The following ZNF346 variants were observed in gnomAD, a reference collection of about 807,000 sequenced individuals.
ZNF346 encodes zinc finger protein 346.
A neutral mutation model predicts 33.7 loss-of-function variants in ZNF346; 23 were observed. The ratio of observed to expected loss-of-function variants is 0.68; its 90% CI spans 0.49 to 0.97. The LOEUF is 0.97. ZNF346 is among the 50% of genes least tolerant of loss of function. ZNF346 has a pLI of 0.00. For missense variants in ZNF346, 340 were observed against 371.1 expected (o/e 0.92, Z 0.69); for synonymous variants, 134 against 142.4 (o/e 0.94, Z 0.42).
Position 177,066,598 on chromosome 5 carries a change from C to T in ZNF346, c.*1999C>T, listed in dbSNP as rs1248682882. 6.6e-6 allele frequency among the ~76,000 whole-genome samples: 1 copy of T among 151,902 alleles called. No individual in the cohort carries two copies. The highest frequency in any genetic ancestry group is 2.1e-4 in the South Asian group (1 of 4,764). On this transcript the variant is annotated 3_prime_UTR_variant, in exon 7 of 7. Transcript: ENST00000358149. ...GAAGGAGTGTTATGGCCAGGTGCGG[C>T]GTCATGCACCTATAGTCCCAGCTGC...
At chr5:177,075,064 C>T (rs768873992) in intron 8 of ZNF346, among the ~76,000 whole-genome samples, 2 of 148,264 alleles carry the variant, frequency 1.3e-5, no homozygotes, top group South Asian at 4.3e-4. Context: ...AGACTCCCTC[C>T]GTCTCAAAAA....
chr5:177,048,847 G>A (rs554987637), intron 4 of ZNF346, among the ~76,000 whole-genome samples: 10 of 148,408 alleles, frequency 6.7e-5, no homozygotes, highest in Admixed American at 4.8e-4. Flanking sequence ...GTGCAATGGC[G>A]CAATCTCAGC....
At chr5:177,079,813 C>G (rs781310650) in exon 9 of ZNF346, 1 of 152,308 alleles carries the variant, frequency 6.6e-6, no homozygotes, top group Non-Finnish European at 1.5e-5. Context: ...TCCAAACAGA[C>G]GTGCATGCCA....
At chr5:177,081,086 A>G (rs1365810303) in exon 9 of ZNF346, 1 of 139,474 alleles carries the variant, frequency 7.2e-6, no homozygotes, top group Non-Finnish European at 1.5e-5. Context: ...CAACTTAAAA[A>G]AAAGAAATGG....
intron 5 of ZNF346, among the ~76,000 whole-genome samples, chr5:177,058,165 A>G (rs1562023634): frequency 6.6e-6 from 1 of 151,418 alleles, no homozygotes; most frequent in Non-Finnish European, 1.5e-5. Flanking sequence ...AAGAATATCG[A>G]TACTTTTTTT....
chr5:177,028,494 TTTTA>T lies in ZNF346; in HGVS notation c.175+5583_175+5586del, dbSNP rs1343636529. On this transcript the variant is annotated intron_variant, in intron 1 of 6. Coordinates refer to ENST00000358149, the MANE Select transcript of ZNF346 (RefSeq NM_012279.4). ...ATTTCTCTCTTAAGCACTTGTGACG[TTTTA>T]TATATATATATATATATATATATTT... is the stretch of plus-strand genomic sequence containing the variant. Among the ~76,000 whole-genome samples the T allele has an allele frequency of 3.0e-4, 14 of 45,990 alleles. 1 individual carries two copies. The highest frequency in any genetic ancestry group is 8.1e-4 in the South Asian group (1 of 1,240). 30.2% of individuals were successfully genotyped at this position (45,990 alleles called of 152,430 possible). A position where few individuals can be genotyped will look rare whatever the true frequency, so the allele number is the denominator to read the frequency against.
chr5:177,061,569 A>C (rs1259708040), intron 5 of ZNF346, among the ~76,000 whole-genome samples: 1 of 152,222 alleles, frequency 6.6e-6, no homozygotes, highest in Non-Finnish European at 1.5e-5. Flanking sequence ...GGGAAAAGCC[A>C]CTTTGTCATT....
In ZNF346 at chr5:177,066,702, C is replaced by T. The variant is rs1445425505; in HGVS notation, c.*2103C>T. Among the ~76,000 whole-genome samples, 1 of 151,574 alleles carries T rather than the reference C, an allele frequency of 6.6e-6. No homozygotes were observed. The highest frequency in any genetic ancestry group is 1.5e-5 in the Non-Finnish European group (1 of 67,958). On this transcript the variant is annotated 3_prime_UTR_variant, in exon 7 of 7. Coordinates refer to ENST00000358149, the MANE Select transcript of ZNF346 (RefSeq NM_012279.4). ...ATGCTGTGATCATGCCTGTGAATAA[C>T]CACTGCACTCCAGCCAGGGCAACAT... is the stretch of plus-strand genomic sequence containing the variant.
intron 1 of ZNF346, among the ~76,000 whole-genome samples, chr5:177,038,256 G>GTTTTTTTTTTTT (rs748931641): frequency 7.6e-6 from 1 of 132,222 alleles, no homozygotes; most frequent in Non-Finnish European, 1.6e-5. Context: ...GCCCAACTAC[G>GTTTTTTTTTTTT]TTTTTTTTTT....
chr5:177,051,188 T>C (rs1363446335), intron 5 of ZNF346, among the ~76,000 whole-genome samples: 1 of 146,570 alleles, frequency 6.8e-6, no homozygotes, highest in Non-Finnish European at 1.5e-5. Flanking sequence ...TTTTTTTTTT[T>C]TTTTGAGACA....
chr5:177,059,508 C>T (rs1315790165), intron 5 of ZNF346, among the ~76,000 whole-genome samples: 1 of 151,754 alleles, frequency 6.6e-6, no homozygotes, highest in African/African-American at 2.4e-5. Context: ...GCTTGTGTTT[C>T]TCTCATATTC....
At chr5:177,069,788 A>G (rs897521231), downstream of ZNF346, among the ~76,000 whole-genome samples, 5 of 152,224 alleles carry the variant, frequency 3.3e-5, no homozygotes, top group East Asian at 9.7e-4. Context: ...CAGCCTCCCA[A>G]GTAGCTGGGA....
At chr5:177,032,046 TG>T (rs1325192846) in intron 1 of ZNF346, among the ~76,000 whole-genome samples, 1 of 145,856 alleles carries the variant, frequency 6.9e-6, no homozygotes, top group Non-Finnish European at 1.5e-5. Flanking sequence ...TCACTCTTGT[TG>T]CCCAGGAGTG....
intron 5 of ZNF346, among the ~76,000 whole-genome samples, chr5:177,053,834 A>G (rs1562014510): frequency 6.6e-6 from 1 of 152,230 alleles, no homozygotes; most frequent in Non-Finnish European, 1.5e-5. Context: ...CATAGGGGAT[A>G]CGTTTCAAAA....
intron 1 of ZNF346, among the ~76,000 whole-genome samples, chr5:177,025,940 A>G (rs1292666197): frequency 3.9e-5 from 6 of 151,930 alleles, no homozygotes. Flanking sequence ...AGAACTCTTT[A>G]TCTTAACCCA....
intron 6 of ZNF346, among the ~76,000 whole-genome samples, chr5:177,064,138 T>G (rs1422521652): frequency 1.3e-5 from 2 of 152,202 alleles, no homozygotes; most frequent in African/African-American, 4.8e-5. Context: ...CCCATTCATT[T>G]TACTCTGCCA....
chr5:177,060,358 T>C (rs963339054), intron 5 of ZNF346, among the ~76,000 whole-genome samples: 1 of 151,680 alleles, frequency 6.6e-6, no homozygotes, highest in Admixed American at 6.6e-5. Context: ...CCATCTCTAC[T>C]AAAACTACAA....
At chr5:177,060,536 A>G (rs1054038150) in intron 5 of ZNF346, among the ~76,000 whole-genome samples, 3 of 151,694 alleles carry the variant, frequency 2.0e-5, no homozygotes, top group Non-Finnish European at 2.9e-5. Flanking sequence ...GGCTGGGCAC[A>G]GTAGCTCAAC....
chr5:177,053,268 A>G (rs1781202223), intron 5 of ZNF346, among the ~76,000 whole-genome samples: 1 of 145,074 alleles, frequency 6.9e-6, no homozygotes, highest in Non-Finnish European at 1.5e-5. Flanking sequence ...GTGATCCAAG[A>G]TCGCGCCACT....
Sources: gnomAD v4.1 joint callset for allele counts (sites outside exome capture counted in the v4.1 genomes callset) on GRCh38, gnomAD v4.1.1 for gene constraint, MANE v1.5 for transcripts, NCBI Gene and HGNC (gene_info 2026-07-23, HGNC 2026-07-21) for gene names.